PPP3CB: variants seen among roughly 807,000 people sequenced by gnomAD.
The protein encoded by PPP3CB is serine/threonine-protein phosphatase 2B catalytic subunit beta isoform.
In PPP3CB, 8 loss-of-function variants were observed where a neutral mutation model predicts 66.4. That is an observed-to-expected ratio of 0.12 (90% confidence interval 0.07 to 0.22). PPP3CB has a LOEUF of 0.22. PPP3CB is among the 10% of genes least tolerant of loss of function. PPP3CB has a pLI of 1.00. For missense variants in PPP3CB, 319 were observed against 642.5 expected (o/e 0.50, Z 5.44); for synonymous variants, 208 against 221.2 (o/e 0.94, Z 0.53).
At chr10:73,459,720 T>A (rs1054691628) in intron 9 of PPP3CB, among the ~76,000 whole-genome samples, 1 of 152,148 alleles carries the variant, frequency 6.6e-6, no homozygotes, top group African/African-American at 2.4e-5. Flanking sequence ...GCACACACTG[T>A]GTGATTCCAT....
chr10:73,495,358 A>G (rs1187518679), intron 1 of PPP3CB, among the ~76,000 whole-genome samples: 3 of 152,138 alleles, frequency 2.0e-5, no homozygotes, highest in African/African-American at 7.2e-5. Flanking sequence ...GTCACCGGGG[A>G]GCAGGCGTGG....
intron 1 of PPP3CB, among the ~76,000 whole-genome samples, chr10:73,481,274 C>T (rs866544412): frequency 4.0e-5 from 6 of 150,696 alleles, no homozygotes; most frequent in African/African-American, 1.5e-4. Flanking sequence ...GAGTTCAAGA[C>T]CAGCCTGGCC....
intron 1 of PPP3CB, among the ~76,000 whole-genome samples, chr10:73,485,264 G>C (rs918732507): frequency 8.5e-5 from 13 of 152,120 alleles, no homozygotes; most frequent in African/African-American, 2.7e-4. Context: ...AAAAAACAAG[G>C]ACTGAAAAAC....
In PPP3CB at chr10:73,470,722, G is replaced by GA; in HGVS notation, c.946dup (p.Ser316PhefsTer4). On this transcript the variant is annotated frameshift_variant, in exon 8 of 14. Coordinates refer to ENST00000360663, the MANE Select transcript of PPP3CB (RefSeq NM_021132.4). LOFTEE classifies it high-confidence loss of function. ...GTAGACATCTAAGTAATTAGGTGCC[G>GA]AAAAAATTGTTATTAATGAAGGGAA... The GA allele has an allele frequency of 6.3e-7, 1 of 1,599,806 alleles. No individual in the cohort carries two copies. The highest frequency in any genetic ancestry group is 8.5e-7 in the Non-Finnish European group (1 of 1,171,356).
intron 11 of PPP3CB, among the ~76,000 whole-genome samples, chr10:73,445,764 T>TTTC (rs1554821882): frequency 2.8e-4 from 42 of 147,960 alleles, no homozygotes; most frequent in African/African-American, 1.1e-3. Flanking sequence ...TTTTTTTTTT[T>TTTC]CTGAGACAGA....
intron 9 of PPP3CB, among the ~76,000 whole-genome samples, chr10:73,462,222 G>A (rs924125251): frequency 1.7e-4 from 24 of 140,352 alleles, no homozygotes; most frequent in African/African-American, 6.2e-4. Context: ...GGAGTGATCA[G>A]CTAACTGCAG....
At chr10:73,469,393 T>A (rs1195379693) in intron 8 of PPP3CB, among the ~76,000 whole-genome samples, 1 of 152,026 alleles carries the variant, frequency 6.6e-6, no homozygotes, top group East Asian at 1.9e-4. Flanking sequence ...ATATAAAAAT[T>A]AGCTGGGCGA....
At chr10:73,453,716 C>G (rs1223413403) in intron 10 of PPP3CB, among the ~76,000 whole-genome samples, 1 of 151,952 alleles carries the variant, frequency 6.6e-6, no homozygotes, top group Admixed American at 6.6e-5. Flanking sequence ...GGAAGGGAAT[C>G]GTTTTCAGTT....
At chr10:73,451,740 C>G (rs920441733) in intron 10 of PPP3CB, among the ~76,000 whole-genome samples, 6 of 144,166 alleles carry the variant, frequency 4.2e-5, no homozygotes, top group Non-Finnish European at 9.1e-5. Flanking sequence ...CCTCACTCAT[C>G]TCTTTTTTTT....
chr10:73,474,515 C>T (rs569227094), intron 4 of PPP3CB, among the ~76,000 whole-genome samples: 25 of 152,162 alleles, frequency 1.6e-4, no homozygotes, highest in Middle Eastern at 3.4e-3. Context: ...TCACTATGAC[C>T]TCCGATTCCC....
intron 12 of PPP3CB, among the ~76,000 whole-genome samples, chr10:73,442,452 C>T (rs2056164192): frequency 1.3e-5 from 2 of 152,210 alleles, no homozygotes; most frequent in Admixed American, 1.3e-4. Context: ...CCAAGGATAA[C>T]TGAGAGATGA....
At chr10:73,462,213 G>A (rs963504695) in intron 9 of PPP3CB, among the ~76,000 whole-genome samples, 1 of 146,952 alleles carries the variant, frequency 6.8e-6, no homozygotes, top group South Asian at 2.2e-4. Context: ...CAGTAGAGTG[G>A]AGTGATCAGC....
chr10:73,478,468 A>G, intron 3 of PPP3CB, 31 bp downstream of exon 3: 1 of 1,586,914 alleles, frequency 6.3e-7, no homozygotes, highest in Non-Finnish European at 8.6e-7. Context: ...AACACTTAAC[A>G]GCAAATCAAA....
At chr10:73,478,363 T>C in intron 3 of PPP3CB, 136 bp downstream of exon 3, 1 of 692,850 alleles carries the variant, frequency 1.4e-6, no homozygotes, top group East Asian at 2.7e-5. Flanking sequence ...GAATAAATAG[T>C]AGCTTTTCAT....
chr10:73,488,191 G>A (rs2057018285), intron 1 of PPP3CB, among the ~76,000 whole-genome samples: 2 of 152,122 alleles, frequency 1.3e-5, no homozygotes, highest in African/African-American at 4.8e-5. Context: ...TGCTGCTCCT[G>A]TAGCATATGT....
chr10:73,463,830 T>A (rs1462388231), intron 9 of PPP3CB, among the ~76,000 whole-genome samples: 2 of 151,152 alleles, frequency 1.3e-5, no homozygotes, highest in Non-Finnish European at 2.9e-5. Flanking sequence ...AGAGACAGGG[T>A]TTCACTGCGT....
At chr10:73,495,568 A>C in intron 1 of PPP3CB, 2 of 397,058 alleles carry the variant, frequency 5.0e-6, no homozygotes, top group Non-Finnish European at 8.5e-6. Context: ...CCCTTGGGCT[A>C]GGAAGCCACG....
At chr10:73,471,929 G>A (rs1220852312) in intron 4 of PPP3CB, among the ~76,000 whole-genome samples, 1 of 152,122 alleles carries the variant, frequency 6.6e-6, no homozygotes, top group Non-Finnish European at 1.5e-5. Flanking sequence ...CATGATAGTG[G>A]TAGTGGGCAA....
intron 1 of PPP3CB, among the ~76,000 whole-genome samples, chr10:73,487,029 G>A (rs2056989950): frequency 6.6e-6 from 1 of 152,132 alleles, no homozygotes; most frequent in South Asian, 2.1e-4. Flanking sequence ...AATTAGCTGG[G>A]CATGGTGTCG....
Sources: gnomAD v4.1 joint callset for allele counts (sites outside exome capture counted in the v4.1 genomes callset) on GRCh38, gnomAD v4.1.1 for gene constraint, MANE v1.5 for transcripts, NCBI Gene and HGNC (gene_info 2026-07-23, HGNC 2026-07-21) for gene names.